The following ZNF397 variants were observed in gnomAD, a reference collection of about 807,000 sequenced individuals.
The protein encoded by ZNF397 is zinc finger protein 397.
ZNF397 carries 38 observed loss-of-function variants against 50.6 expected under a neutral mutation model. The ratio of observed to expected loss-of-function variants is 0.75; its 90% CI spans 0.58 to 0.98. The LOEUF (loss-of-function observed/expected upper bound fraction) is 0.98, where lower values mean the gene tolerates loss of function less well. Ranked by LOEUF, ZNF397 falls within the 50% of genes least tolerant of loss-of-function variation. ZNF397 has a pLI of 0.00. For synonymous variants in ZNF397, 228 were observed against 215.2 expected (o/e 1.06, Z -0.52); for missense variants, 624 against 624.1 (o/e 1.00, Z 0.00).
Position 35,247,282 on chromosome 18 carries a change from C to G in ZNF397, c.*972C>G. ...AGAGCTTTGTCTTGGTTTATGTGAC[C>G]CCAGGGAAAGGGCAAATATGTGGTT... On this transcript the variant is annotated 3_prime_UTR_variant, in exon 4 of 4. Transcript: ENST00000330501. 1.6e-6 allele frequency: 1 copy of G among 639,830 alleles called. No individual in the cohort carries two copies. The highest frequency in any genetic ancestry group is 1.9e-6 in the Non-Finnish European group (1 of 514,266). 39.6% of individuals were successfully genotyped at this position (639,830 alleles called of 1,614,324 possible).
chr18:35,245,676 T>A lies in ZNF397; in HGVS notation c.971T>A (p.Leu324Ter). 14 of 1,552,696 alleles carry A rather than the reference T, an allele frequency of 9.0e-6. No homozygotes were observed. The highest frequency in any genetic ancestry group is 1.2e-5 in the Non-Finnish European group (14 of 1,147,518). ...KCNQCGKAFS[L>*]RSYLIIHQRI... is the part of the protein sequence containing the mutation. ...AACCAGTGTGGGAAGGCCTTTAGTT[T>A]GAGGTCCTATCTTATTATTCATCAG... is the stretch of plus-strand genomic sequence containing the variant. Residue 324 changes from leucine to a stop codon, truncating the protein, a stop_gained, in exon 4 of 4, where the codon TTG becomes TAG. Transcript: ENST00000330501. LOFTEE classifies it high-confidence loss of function.
intron 3 of ZNF397, chr18:35,243,519 C>T (rs1912687662): frequency 1.5e-6 from 1 of 657,494 alleles, no homozygotes; most frequent in East Asian, 2.7e-5. Flanking sequence ...TATGTTGTAA[C>T]TTTATAAAGC....
Position 35,245,625 on chromosome 18 carries a change from A to T in ZNF397, c.920A>T (p.His307Leu). ...HSSLTQHQRI[H>L]TGEKPYKCNQ... ...TCTCTAACACAACATCAGAGAATCCATACTGGAGAAAAGCCCTATAAATGT... is the reference window on the plus strand; with the variant it reads ...TCTCTAACACAACATCAGAGAATCCTTACTGGAGAAAAGCCCTATAAATGT... Residue 307 changes from histidine to leucine, a missense_variant, in exon 4 of 4, where the codon CAT becomes CTT. Coordinates refer to ENST00000330501, the MANE Select transcript of ZNF397 (RefSeq NM_001135178.3). 6.4e-7 allele frequency: 1 copy of T among 1,554,632 alleles called. No homozygotes were observed. Among genetic ancestry groups the T allele is most frequent in the Non-Finnish European group, 8.7e-7 (1 of 1,148,510 alleles).
intron 1 of ZNF397, 158 bp downstream of exon 1, chr18:35,241,267 T>TC (rs1486759196): frequency 6.6e-6 from 1 of 152,190 alleles, no homozygotes; most frequent in Non-Finnish European, 1.5e-5. Context: ...AGGCCAGCAC[T>TC]CAAACTCCTG....
intron 3 of ZNF397, 133 bp downstream of exon 3, chr18:35,243,426 T>C: frequency 7.6e-7 from 1 of 1,316,076 alleles, no homozygotes; most frequent in Non-Finnish European, 1.1e-6. Flanking sequence ...AGGTGCTCGC[T>C]TTAGCGGCTT....
chr18:35,246,261 G>A lies in ZNF397; in HGVS notation c.1556G>A (p.Arg519Lys), dbSNP rs2043479749. Residue 519 changes from arginine (R) to lysine (K), a missense_variant, in exon 4 of 4, where the codon AGG becomes AAG. Arg to Lys is a conservative substitution (Grantham distance 26). Transcript: ENST00000330501. The stretch of plus-strand genomic sequence containing the variant: ...TGTAATGAATGTGGGAAGGCTTTCA[G>A]GCACAGATCGGTCCTTATGCGCCAT... ...YICNECGKAF[R>K]HRSVLMRHQR... 1 of 1,551,988 alleles carries A rather than the reference G, an allele frequency of 6.4e-7. No individual in the cohort carries two copies. The highest frequency in any genetic ancestry group is 2.0e-5 in the Admixed American group (1 of 50,978).
At chr18:35,257,123 G>A (rs1371244724) in intron 5 of ZNF397, 2 of 152,138 alleles carry the variant, frequency 1.3e-5, no homozygotes, top group African/African-American at 2.4e-5. Flanking sequence ...TGTTCTCTGG[G>A]GTGGCTCCTC....
At position 35,245,697 on chromosome 18, in the gene ZNF397, A is replaced by G; in HGVS notation, c.992A>G (p.His331Arg). 6.4e-7 allele frequency: 1 copy of G among 1,552,236 alleles called. No individual in the cohort carries two copies. Among genetic ancestry groups the G allele is most frequent in the Non-Finnish European group, 8.7e-7 (1 of 1,147,226 alleles). The change falls in exon 4 of 4, where the codon CAT becomes CGT. Residue 331 changes from histidine to arginine, a missense_variant. His to Arg is a conservative substitution (Grantham distance 29). Coordinates refer to ENST00000330501, the MANE Select transcript of ZNF397 (RefSeq NM_001135178.3). Reference protein sequence around the residue: ...AFSLRSYLIIHQRIHSGEKAY... With the variant: ...AFSLRSYLIIRQRIHSGEKAY... ...AGTTTGAGGTCCTATCTTATTATTC[A>G]TCAGAGAATTCATAGTGGTGAGAAA...
downstream of ZNF397, chr18:35,254,453 C>T: frequency 6.2e-7 from 1 of 1,608,996 alleles, no homozygotes; most frequent in Non-Finnish European, 8.5e-7. Flanking sequence ...AGCAGGAACA[C>T]AAACTCAATG....
downstream of ZNF397, chr18:35,253,437 C>T: frequency 1.9e-6 from 3 of 1,546,744 alleles, no homozygotes; most frequent in Non-Finnish European, 1.7e-6. Flanking sequence ...TTGTACAACT[C>T]TTACCCACAG....
At chr18:35,253,143 A>G (rs539985649), downstream of ZNF397, 4 of 225,424 alleles carry the variant, frequency 1.8e-5, no homozygotes, top group East Asian at 1.9e-4. Context: ...AAGGTGCCCA[A>G]TGGAAATTAT....
At chr18:35,250,158 C>T (rs759682215), downstream of ZNF397, among the ~76,000 whole-genome samples, 3 of 152,188 alleles carry the variant, frequency 2.0e-5, no homozygotes, top group Non-Finnish European at 4.4e-5. Context: ...GAAAGATTTA[C>T]AGTTGAGAAA....
downstream of ZNF397, chr18:35,253,282 A>C: frequency 2.0e-6 from 1 of 508,142 alleles, no homozygotes; most frequent in East Asian, 3.1e-5. Context: ...CTTCCATTTA[A>C]CACTTCAATA....
intron 1 of ZNF397, among the ~76,000 whole-genome samples, chr18:35,242,043 A>G (rs1300573641): frequency 6.6e-6 from 1 of 152,214 alleles, no homozygotes; most frequent in Non-Finnish European, 1.5e-5. Flanking sequence ...GAGTTCTACA[A>G]GTTTTATTAA....
At chr18:35,241,906 A>G (rs1406642442) in intron 1 of ZNF397, among the ~76,000 whole-genome samples, 1 of 152,160 alleles carries the variant, frequency 6.6e-6, no homozygotes, top group Non-Finnish European at 1.5e-5. Context: ...TTAAATGAAA[A>G]TCAACATTAC....
chr18:35,253,630 G>A (rs761895347), downstream of ZNF397: 8 of 1,613,950 alleles, frequency 5.0e-6, no homozygotes, highest in Non-Finnish European at 6.8e-6. Context: ...TCTCTCCAGT[G>A]TGAATTCTTT....
Position 35,246,899 on chromosome 18 carries a change from G to A in ZNF397, c.*589G>A. ...TTGTCCCAGGAACTAGGAATACAGT[G>A]GAAAACAAGACTGTAGTCTCTACAG... On this transcript the variant is annotated 3_prime_UTR_variant, in exon 4 of 4. Coordinates refer to ENST00000330501, the MANE Select transcript of ZNF397 (RefSeq NM_001135178.3). 1 of 968,516 alleles carries A rather than the reference G, an allele frequency of 1.0e-6. No homozygotes were observed. Among genetic ancestry groups the A allele is most frequent in the Non-Finnish European group, 1.2e-6 (1 of 814,564 alleles). 60.0% of individuals were successfully genotyped at this position (968,516 alleles called of 1,614,324 possible). A position where few individuals can be genotyped will look rare whatever the true frequency, so the allele number is the denominator to read the frequency against.
rs2043513969 is a variant in ZNF397 at position 35,248,237 on chromosome 18, C to G, written c.*1927C>G. ...ATCATGTGCATAGAAAAAGAATTTT[C>G]ATGAGGATAAAAAGAAGCAAAGAGA... On this transcript the variant is annotated 3_prime_UTR_variant, in exon 4 of 4. Coordinates refer to ENST00000330501, the MANE Select transcript of ZNF397 (RefSeq NM_001135178.3). The G allele has an allele frequency of 6.6e-6, 1 of 152,154 alleles. No individual in the cohort carries two copies. Among genetic ancestry groups the G allele is most frequent in the Admixed American group, 6.5e-5 (1 of 15,272 alleles). 9.4% of individuals were successfully genotyped at this position (152,154 alleles called of 1,614,324 possible). A position where few individuals can be genotyped will look rare whatever the true frequency, so the allele number is the denominator to read the frequency against.
rs1439871637 is a variant in ZNF397, at chr18:35,247,158, G to A, written c.*848G>A. 62 of 985,432 alleles carry A rather than the reference G, an allele frequency of 6.3e-5. No individual in the cohort carries two copies. The highest frequency in any genetic ancestry group is 7.3e-5 in the Non-Finnish European group (61 of 830,008). 61.0% of individuals were successfully genotyped at this position (985,432 alleles called of 1,614,324 possible). On this transcript the variant is annotated 3_prime_UTR_variant, in exon 4 of 4. Transcript: ENST00000330501. Reference sequence around the variant, plus strand: ...TTCCTGTTGTAGTGAGGTCTTGTCTGTCAGAGAAGTCTGGGTCTGGCCAGA... The same window carrying A: ...TTCCTGTTGTAGTGAGGTCTTGTCTATCAGAGAAGTCTGGGTCTGGCCAGA...
Sources: gnomAD v4.1 joint callset for allele counts (sites outside exome capture counted in the v4.1 genomes callset) on GRCh38, gnomAD v4.1.1 for gene constraint, MANE v1.5 for transcripts, NCBI Gene and HGNC (gene_info 2026-07-23, HGNC 2026-07-21) for gene names.